The following DOCK10 variants were observed in gnomAD, a reference collection of about 807,000 sequenced individuals.
DOCK10 encodes dedicator of cytokinesis 10.
Under a neutral mutation model 280.1 loss-of-function variants are expected in DOCK10, and 145 were observed. The observed-to-expected ratio is 0.52, with a 90% CI of 0.45 to 0.59. The LOEUF (loss-of-function observed/expected upper bound fraction) is 0.59. Among genes scored for constraint, DOCK10 ranks in the 20% least tolerant of loss-of-function variants. The probability of loss-of-function intolerance (pLI) is 0.00; values close to 1 mark genes in which losing one functional copy is unlikely to be tolerated. For missense variants in DOCK10, 2,368 were observed against 2,651.7 expected, an observed-to-expected ratio of 0.89 and a Z score of 2.35; for synonymous variants, 915 against 942.2, an observed-to-expected ratio of 0.97 and a Z score of 0.53.
chr2:224,806,547 C>CTTATAATT (rs2125220954), intron 33 of DOCK10, among the ~76,000 whole-genome samples: 1 of 152,122 alleles, frequency 6.6e-6, no homozygotes, highest in Non-Finnish European at 1.5e-5. Context: ...TAATTATTAC[C>CTTATAATT]ATGAGTTATC....
chr2:224,866,842 G>T (rs1426764616), intron 11 of DOCK10, among the ~76,000 whole-genome samples: 1 of 152,056 alleles, frequency 6.6e-6, no homozygotes. Context: ...ACTCATTCAA[G>T]GTAACTTCTG....
chr2:224,796,875 G>C, intron 43 of DOCK10, 89 bp downstream of exon 43: 1 of 1,232,188 alleles, frequency 8.1e-7, no homozygotes, highest in Non-Finnish European at 1.2e-6. Flanking sequence ...AGTTAGTGAC[G>C]GCTTGCCCTG....
intron 44 of DOCK10, 48 bp from the exon 45 acceptor site, chr2:224,795,142 GT>G (rs1450131771): frequency 2.6e-6 from 4 of 1,535,574 alleles, no homozygotes; most frequent in Non-Finnish European, 3.6e-6. Context: ...GAATCTATAG[GT>G]TAACTGACTT....
chr2:224,874,635 G>C, intron 9 of DOCK10, 31 bp downstream of exon 9: 1 of 1,570,058 alleles, frequency 6.4e-7, no homozygotes, highest in Non-Finnish European at 8.8e-7. Context: ...AATTCAAATT[G>C]GTTTTGCAAG....
At chr2:224,961,627 C>T (rs1299544242) in intron 1 of DOCK10, among the ~76,000 whole-genome samples, 1 of 151,626 alleles carries the variant, frequency 6.6e-6, no homozygotes, top group Admixed American at 6.6e-5. Flanking sequence ...CTGCCTCAGC[C>T]TCCTGAGTAG....
At chr2:224,898,105 G>A (rs768055060) in intron 3 of DOCK10, among the ~76,000 whole-genome samples, 45 of 152,222 alleles carry the variant, frequency 3.0e-4, no homozygotes, top group Non-Finnish European at 5.9e-4. Context: ...CAAAGAAAGC[G>A]TTAGCACTGC....
At chr2:224,792,068 A>G (rs1360898857) in intron 47 of DOCK10, among the ~76,000 whole-genome samples, 1 of 152,208 alleles carries the variant, frequency 6.6e-6, no homozygotes, top group Non-Finnish European at 1.5e-5. Context: ...TTTAATGTGT[A>G]AACTATATCA....
intron 51 of DOCK10, among the ~76,000 whole-genome samples, chr2:224,776,912 G>C (rs987077282): frequency 6.6e-6 from 1 of 152,176 alleles, no homozygotes; most frequent in African/African-American, 2.4e-5. Context: ...TCCCTGCCCT[G>C]AGCTTTCCTT....
chr2:224,844,777 A>G lies in DOCK10; in HGVS notation c.2544T>C (p.Phe848=). The G allele has an allele frequency of 6.2e-7, 1 of 1,601,594 alleles. No individual in the cohort carries two copies. Among genetic ancestry groups the G allele is most frequent in the Non-Finnish European group, 8.5e-7 (1 of 1,173,364 alleles). The part of the protein sequence containing the change: ...GGKPLFKVST[F]VVSTVNTQDP... ...CCTGAGTATTTACTGTTGATACAAC[A>G]AATGTCGACACTTTGAAAAGTGGTT... Residue 848 remains phenylalanine, a synonymous_variant, in exon 22 of 56, where the codon TTT becomes TTC. Transcript: ENST00000258390.
chr2:224,997,825 T>C (rs1054417381), intron 1 of DOCK10, among the ~76,000 whole-genome samples: 1 of 152,038 alleles, frequency 6.6e-6, no homozygotes, highest in African/African-American at 2.4e-5. Flanking sequence ...ACACGCAATA[T>C]GGTTCAAAGC....
At chr2:224,881,253 G>T (rs1224200375) in intron 7 of DOCK10, among the ~76,000 whole-genome samples, 1 of 151,752 alleles carries the variant, frequency 6.6e-6, no homozygotes, top group Admixed American at 6.6e-5. Context: ...TACCATATTT[G>T]TTTTGTTTTT....
At chr2:224,961,469 T>TCTTTCTTTC (rs35094728) in intron 1 of DOCK10, among the ~76,000 whole-genome samples, 1 of 33,910 alleles carries the variant, frequency 2.9e-5, no homozygotes, top group Non-Finnish European at 5.7e-5. Context: ...TTTCTTTCTT[T>TCTTTCTTTC]TTCTTTCTTT....
At chr2:224,996,984 TAGAGGC>T (rs2126278181) in intron 1 of DOCK10, among the ~76,000 whole-genome samples, 1 of 152,294 alleles carries the variant, frequency 6.6e-6, no homozygotes, top group Admixed American at 6.5e-5. Flanking sequence ...GACTTCTGAT[TAGAGGC>T]AGGAGAAGGA....
chr2:224,845,321 C>G lies in DOCK10; in HGVS notation c.2363G>C (p.Gly788Ala). 6.3e-7 allele frequency: 1 copy of G among 1,590,474 alleles called. No individual in the cohort carries two copies. Among genetic ancestry groups the G allele is most frequent in the Non-Finnish European group, 8.6e-7 (1 of 1,167,308 alleles). Residue 788 changes from glycine to alanine, a missense_variant, in exon 21 of 56, where the codon GGA becomes GCA. Physicochemically the swap from Gly to Ala is moderately conservative, Grantham distance 60 (BLOSUM62 0). Around this residue, in one of 2 missense-constraint regions of DOCK10, gnomAD observed 1,209 missense variants for 1,250.9 expected, o/e 0.97. Coordinates refer to ENST00000258390, the MANE Select transcript of DOCK10 (RefSeq NM_014689.3). ...KKKEALETSV[G>A]YAWLPLMKHD... ...TTTCATCAGAGGAAGCCAAGCATATCCAACTGTGCAAAAGAATAACCAACA... is the reference window on the plus strand; with the variant it reads ...TTTCATCAGAGGAAGCCAAGCATATGCAACTGTGCAAAAGAATAACCAACA...
At chr2:224,806,317 A>T (rs1450396488) in intron 33 of DOCK10, 80 bp from the exon 34 acceptor site, 1 of 682,818 alleles carries the variant, frequency 1.5e-6, no homozygotes, top group Admixed American at 3.2e-5. Context: ...TCTTCGTTAC[A>T]CTTCCAATTA....
chr2:224,980,802 T>C (rs1408480260), intron 1 of DOCK10, among the ~76,000 whole-genome samples: 2 of 152,208 alleles, frequency 1.3e-5, no homozygotes, highest in African/African-American at 4.8e-5. Flanking sequence ...ATTCAACCTT[T>C]CTGAGCCTTT....
At chr2:224,997,157 C>A (rs1000703639) in intron 1 of DOCK10, among the ~76,000 whole-genome samples, 1 of 152,172 alleles carries the variant, frequency 6.6e-6, no homozygotes, top group African/African-American at 2.4e-5. Context: ...CTGCTTCCCA[C>A]CAAATTCAAC....
intron 3 of DOCK10, among the ~76,000 whole-genome samples, chr2:224,908,558 C>A (rs534898999): frequency 1.3e-4 from 20 of 152,180 alleles, no homozygotes; most frequent in African/African-American, 4.8e-4. Flanking sequence ...CAGTGGCATA[C>A]GCATGGCTCA....
intron 3 of DOCK10, among the ~76,000 whole-genome samples, chr2:224,907,687 CAAAA>C (rs71062965): frequency 8.9e-5 from 11 of 123,432 alleles, no homozygotes; most frequent in Admixed American, 2.4e-4. Context: ...GACTCCACCT[CAAAA>C]AAAAAAAAAA....
Sources: gnomAD v4.1 joint callset for allele counts (sites outside exome capture counted in the v4.1 genomes callset) on GRCh38, gnomAD v4.1.1 for gene constraint, gnomAD v4.1.1 regional missense constraint, MANE v1.5 for transcripts, NCBI Gene and HGNC (gene_info 2026-07-23, HGNC 2026-07-21) for gene names.